RAB3C: variants seen among roughly 807,000 people sequenced by gnomAD.
RAB3C encodes RAB3C, member RAS oncogene family, also known as ras-related protein Rab-3C.
Under a neutral mutation model 26.4 loss-of-function variants are expected in RAB3C, and 17 were observed. The observed-to-expected ratio is 0.64, with a 90% CI of 0.44 to 0.97. The LOEUF is 0.97. Among genes scored for constraint, RAB3C ranks in the 50% least tolerant of loss-of-function variants. The pLI, the probability that RAB3C is intolerant of heterozygous loss-of-function variation, is 0.00. For synonymous variants in RAB3C, 91 were observed against 95.9 expected (o/e 0.95, Z 0.30); for missense variants, 242 against 281.9 (o/e 0.86, Z 1.01).
At chr5:58,825,269 C>A in intron 4 of RAB3C, 107 bp downstream of exon 4, 2 of 1,220,712 alleles carry the variant, frequency 1.6e-6, no homozygotes, top group Non-Finnish European at 2.2e-6. Context: ...AAATGTTTGT[C>A]AATCTAAGAG....
chr5:58,607,030 C>G (rs1746588972), intron 1 of RAB3C, among the ~76,000 whole-genome samples: 1 of 152,140 alleles, frequency 6.6e-6, no homozygotes, highest in Non-Finnish European at 1.5e-5. Context: ...CAGCTCCTTG[C>G]CAGCAACAGA....
At chr5:58,794,720 GT>G (rs1223562800) in intron 3 of RAB3C, among the ~76,000 whole-genome samples, 14 of 152,276 alleles carry the variant, frequency 9.2e-5, no homozygotes, top group African/African-American at 2.6e-4. Flanking sequence ...TATGAAAGTG[GT>G]TTTCCCCCCA....
chr5:58,612,440 T>A (rs958457020), intron 1 of RAB3C, among the ~76,000 whole-genome samples: 1 of 150,446 alleles, frequency 6.6e-6, no homozygotes, highest in African/African-American at 2.5e-5. Context: ...TTTGTAGAAA[T>A]CTTTCAGTTC....
At chr5:58,673,701 C>T (rs1311066195) in intron 2 of RAB3C, among the ~76,000 whole-genome samples, 2 of 152,130 alleles carry the variant, frequency 1.3e-5, no homozygotes, top group Non-Finnish European at 2.9e-5. Context: ...GTTGGATTTG[C>T]TTCTCTTAAA....
chr5:58,839,321 G>A (rs1475215987), intron 4 of RAB3C, among the ~76,000 whole-genome samples: 1 of 147,954 alleles, frequency 6.8e-6, no homozygotes, highest in Admixed American at 6.7e-5. Flanking sequence ...TTTGTGGCTG[G>A]GTCCCTATCT....
At chr5:58,652,985 A>G (rs1747690684) in intron 2 of RAB3C, among the ~76,000 whole-genome samples, 1 of 152,124 alleles carries the variant, frequency 6.6e-6, no homozygotes, top group Non-Finnish European at 1.5e-5. Flanking sequence ...TTTTTGTATT[A>G]TTATACTTTA....
chr5:58,693,295 TTTAA>T (rs1203176154), intron 2 of RAB3C, among the ~76,000 whole-genome samples: 9 of 140,460 alleles, frequency 6.4e-5, no homozygotes, highest in African/African-American at 2.4e-4. Flanking sequence ...ATTATATAAA[TTTAA>T]TTATATAAAT....
At chr5:58,627,669 T>C (rs1267419508) in intron 2 of RAB3C, among the ~76,000 whole-genome samples, 1 of 152,188 alleles carries the variant, frequency 6.6e-6, no homozygotes, top group Non-Finnish European at 1.5e-5. Context: ...TGCTTTTACT[T>C]TCCTAACACT....
At chr5:58,720,047 A>T (rs1740711911) in intron 2 of RAB3C, among the ~76,000 whole-genome samples, 1 of 151,952 alleles carries the variant, frequency 6.6e-6, no homozygotes, top group South Asian at 2.1e-4. Flanking sequence ...TCTGGGGGAC[A>T]CAATACAACC....
intron 2 of RAB3C, among the ~76,000 whole-genome samples, chr5:58,645,002 A>G (rs1747488522): frequency 6.6e-6 from 1 of 152,244 alleles, no homozygotes; most frequent in South Asian, 2.1e-4. Flanking sequence ...ATCAAGTAAT[A>G]TTAATGAGAA....
chr5:58,680,098 G>A (rs1433265740), intron 2 of RAB3C, among the ~76,000 whole-genome samples: 1 of 152,064 alleles, frequency 6.6e-6, no homozygotes, highest in African/African-American at 2.4e-5. Flanking sequence ...AGGGAAATGT[G>A]GCACTAATTT....
intron 2 of RAB3C, among the ~76,000 whole-genome samples, chr5:58,635,665 C>T (rs1380632650): frequency 6.6e-6 from 1 of 152,180 alleles, no homozygotes; most frequent in East Asian, 1.9e-4. Flanking sequence ...CCTCTAGCCC[C>T]AGAGGCTGTG....
intron 1 of RAB3C, among the ~76,000 whole-genome samples, chr5:58,597,546 CAATATATAGTTCATTATATATAAGCAT>C (rs1305258278): frequency 1.7e-4 from 19 of 112,738 alleles, no homozygotes; most frequent in East Asian, 2.9e-4. Context: ...AAGCATATAA[CAATATATAGTTCATTATATATAAGCAT>C]ATAACAATAT....
intron 1 of RAB3C, among the ~76,000 whole-genome samples, chr5:58,596,638 A>T (rs1211823352): frequency 1.0e-4 from 8 of 77,150 alleles, no homozygotes; most frequent in Non-Finnish European, 1.7e-4. Flanking sequence ...ATAATATATA[A>T]ATATATAATA....
At chr5:58,830,745 A>G (rs1743594241) in intron 4 of RAB3C, among the ~76,000 whole-genome samples, 1 of 152,208 alleles carries the variant, frequency 6.6e-6, no homozygotes, top group South Asian at 2.1e-4. Context: ...TGCTCTGGCC[A>G]TAAGCAACCA....
chr5:58,821,873 T>TTGC (rs1351513495), intron 3 of RAB3C, among the ~76,000 whole-genome samples: 1 of 152,226 alleles, frequency 6.6e-6, no homozygotes, highest in Admixed American at 6.5e-5. Context: ...GCTATAATAT[T>TTGC]TGCTTTTTAT....
intron 2 of RAB3C, among the ~76,000 whole-genome samples, chr5:58,707,980 T>A (rs1249462605): frequency 7.1e-6 from 1 of 141,214 alleles, no homozygotes; most frequent in African/African-American, 2.5e-5. Flanking sequence ...ATCCCTTATC[T>A]TTCTTTCCTT....
chr5:58,858,046 A>G lies in RAB3C; in HGVS notation c.*6695A>G, dbSNP rs1272556317. ...CCCTTAGGAAGAAAAACAAGTTATG[A>G]CTTATTCACTAAAATTGATGCAAGA... On this transcript the variant is annotated 3_prime_UTR_variant, in exon 5 of 5. Transcript: ENST00000282878. 6.6e-6 allele frequency: 1 copy of G among 152,198 alleles called. No individual in the cohort carries two copies. The highest frequency in any genetic ancestry group is 2.4e-5 in the African/African-American group (1 of 41,456). The allele number at this position is 152,198 out of a possible 1,614,324, so 9.4% of individuals were successfully genotyped here.
chr5:58,772,841 A>G (rs754386027), intron 3 of RAB3C, among the ~76,000 whole-genome samples: 11 of 152,312 alleles, frequency 7.2e-5, no homozygotes, highest in Middle Eastern at 3.4e-3. Flanking sequence ...TTGTATAGAG[A>G]ATCATAAGAG....
Sources: allele counts gnomAD v4.1 joint callset (sites outside exome capture counted in the v4.1 genomes callset), GRCh38; gene constraint gnomAD v4.1.1; transcripts MANE v1.5; gene names NCBI Gene and HGNC (gene_info 2026-07-23, HGNC 2026-07-21).